The following TACC1 variants were observed in gnomAD, a reference collection of about 807,000 sequenced individuals.
TACC1 encodes the protein transforming acidic coiled-coil containing protein 1.
Under a neutral mutation model 84.4 loss-of-function variants are expected in TACC1, and 48 were observed. The observed-to-expected ratio is 0.57, with a 90% CI of 0.45 to 0.72. The LOEUF (loss-of-function observed/expected upper bound fraction) is 0.72, where lower values mean the gene tolerates loss of function less well. Among genes scored for constraint, TACC1 ranks in the 30% least tolerant of loss-of-function variants. The pLI is 0.00. For synonymous variants in TACC1, 372 were observed against 376.3 expected (o/e 0.99, Z 0.13); for missense variants, 920 against 973.0 (o/e 0.95, Z 0.72).
At chr8:38,833,773 G>A (rs189923704) in intron 6 of TACC1, among the ~76,000 whole-genome samples, 10 of 152,246 alleles carry the variant, frequency 6.6e-5, no homozygotes, top group Admixed American at 4.6e-4. Flanking sequence ...ATATTCTCAC[G>A]AACTTGGTAG....
Position 38,740,646 on chromosome 8 carries a change from C to T in TACC1, c.-674-1705C>T, listed in dbSNP as rs116568490. ...AAATCTTTGTCTGAAATGTCTCCTC[C>T]CTGTGGAATGTGCAAAAAGCAAAAC... On this transcript the variant is annotated intron_variant, in intron 1 of 14. Transcript: ENST00000518415. Among the ~76,000 whole-genome samples the T allele has an allele frequency of 4.1e-3, 617 of 152,332 alleles. 8 individuals are homozygous for T. Among genetic ancestry groups the T allele is most frequent in the African/African-American group, 0.014 (589 of 41,568 alleles).
intron 7 of TACC1, among the ~76,000 whole-genome samples, chr8:38,837,551 G>A (rs1198798846): frequency 6.6e-6 from 1 of 152,194 alleles, no homozygotes; most frequent in Non-Finnish European, 1.5e-5. Context: ...TCAGCTGCCT[G>A]AGTAGCTGGG....
intron 3 of TACC1, among the ~76,000 whole-genome samples, chr8:38,774,809 G>A (rs1012028664): frequency 2.6e-4 from 39 of 152,146 alleles, no homozygotes; most frequent in Middle Eastern, 3.4e-3. Flanking sequence ...TCAGGAGTTC[G>A]AGACCAGCCT....
intron 3 of TACC1, among the ~76,000 whole-genome samples, chr8:38,767,785 C>G (rs1812523777): frequency 6.6e-6 from 1 of 152,110 alleles, no homozygotes; most frequent in Admixed American, 6.6e-5. Flanking sequence ...AGATTAGGGG[C>G]CGGGCACAGT....
chr8:38,782,184 C>T (rs1321446074), intron 3 of TACC1, among the ~76,000 whole-genome samples: 2 of 151,940 alleles, frequency 1.3e-5, no homozygotes, highest in Non-Finnish European at 2.9e-5. Context: ...CCCCACCCCA[C>T]AACAGTCCCC....
intron 2 of TACC1, among the ~76,000 whole-genome samples, chr8:38,813,438 G>A (rs1026862177): frequency 7.9e-5 from 12 of 152,110 alleles, no homozygotes; most frequent in Admixed American, 2.6e-4. Flanking sequence ...AGATAGTCCC[G>A]GTGAGCTCTT....
exon 2 of TACC1, chr8:38,742,394 C>A: frequency 6.6e-7 from 1 of 1,510,914 alleles, no homozygotes; most frequent in Non-Finnish European, 8.8e-7. Flanking sequence ...GTCTTGATTG[C>A]TGGCATGTTT....
chr8:38,779,229 C>A (rs898477484), intron 3 of TACC1, among the ~76,000 whole-genome samples: 17 of 152,206 alleles, frequency 1.1e-4, no homozygotes, highest in Non-Finnish European at 2.1e-4. Flanking sequence ...CCTGCCTCAG[C>A]CTCCAAAAGT....
Position 38,788,751 on chromosome 8 carries a change from T to G in TACC1, c.209T>G (p.Ile70Ser). 6.2e-7 allele frequency: 1 copy of G among 1,614,048 alleles called. No individual in the cohort carries two copies. The highest frequency in any genetic ancestry group is 8.5e-7 in the Non-Finnish European group (1 of 1,179,986). Residue 70 changes from isoleucine (I) to serine (S), a missense_variant, in exon 2 of 13, where the codon ATC (isoleucine) becomes AGC (serine). This residue lies in a region of TACC1 where 762 missense variants were observed against 747.3 expected (regional missense o/e 1.02). Coordinates refer to ENST00000317827, the MANE Select transcript of TACC1 (RefSeq NM_006283.3). ...GAGACTCCTGAAGCTGAAACCCCGA[T>G]CCGATCACCTTTCAAGGAGTCCTGT... ...NFETPEAETP[I>S]RSPFKESCDP...
intron 3 of TACC1, chr8:38,823,897 C>T (rs914325350): frequency 2.2e-6 from 2 of 905,830 alleles, no homozygotes; most frequent in African/African-American, 3.4e-5. Context: ...GCTTTTACAT[C>T]TGCCAGACTA....
intron 2 of TACC1, among the ~76,000 whole-genome samples, chr8:38,792,672 A>G (rs180937869): frequency 0.041 from 6,208 of 152,202 alleles, 167 homozygotes; most frequent in Non-Finnish European, 0.06. Flanking sequence ...TCACCGTGTT[A>G]GCCAGGATGG....
upstream of TACC1, among the ~76,000 whole-genome samples, chr8:38,783,548 A>C (rs1010515861): frequency 3.3e-5 from 5 of 151,352 alleles, no homozygotes; most frequent in East Asian, 7.7e-4. Flanking sequence ...CAGCCTCCCG[A>C]GTAGCTGGAA....
rs777457078 is a variant in TACC1, at chr8:38,851,972, C to T, written c.*3949C>T. On this transcript the variant is annotated 3_prime_UTR_variant, in exon 13 of 13. Transcript: ENST00000317827. ...GATTCCAGTTATTTTTAAAAAGCAA[C>T]TTACCACTAAATCCTTGAGTCTCCA... 35 of 456,242 alleles carry T rather than the reference C, an allele frequency of 7.7e-5. No homozygotes were observed. The highest frequency in any genetic ancestry group is 1.5e-4 in the Non-Finnish European group (34 of 226,958). The allele number at this position is 456,242 out of a possible 1,614,324, so 28.3% of individuals were successfully genotyped here. A position where few individuals can be genotyped will look rare whatever the true frequency, so the allele number is the denominator to read the frequency against.
At position 38,768,760 on chromosome 8, in the gene TACC1, A is replaced by T. The variant is rs114344425; in HGVS notation, c.27-19944A>T. On this transcript the variant is annotated intron_variant, in intron 3 of 14. Coordinates refer to the TACC1 transcript ENST00000518415. ...ATATGTGAAACTGTGTGTGGGAGGT[A>T]TGTGTGTGACTGTGGGCTTATGTGA... Among the ~76,000 whole-genome samples, 1,216 of 151,242 alleles carry T rather than the reference A, an allele frequency of 8.0e-3. 24 individuals carry two copies. Among genetic ancestry groups the T allele is most frequent in the African/African-American group, 0.028 (1,147 of 41,126 alleles).
Position 38,852,071 on chromosome 8 carries a change from G to T in TACC1, c.*4048G>T. On this transcript the variant is annotated 3_prime_UTR_variant, in exon 13 of 13. Coordinates refer to ENST00000317827, the MANE Select transcript of TACC1 (RefSeq NM_006283.3). ...TCTCCTCTGGAAGAGACTATCAGCG[G>T]CAGCATTCTCCAGGGAAGACCCATC... 2.4e-6 allele frequency: 1 copy of T among 408,908 alleles called. No individual in the cohort carries two copies. Among genetic ancestry groups the T allele is most frequent in the Admixed American group, 2.7e-5 (1 of 37,238 alleles). The allele number at this position is 408,908 out of a possible 1,614,324, so 25.3% of individuals were successfully genotyped here. A position where few individuals can be genotyped will look rare whatever the true frequency, so the allele number is the denominator to read the frequency against.
At chr8:38,824,020 T>G (rs775067473) in intron 3 of TACC1, 8 of 1,352,022 alleles carry the variant, frequency 5.9e-6, no homozygotes, top group Non-Finnish European at 7.8e-6. Flanking sequence ...TTCTCTGTTT[T>G]CTGTTGTAAG....
intron 2 of TACC1, among the ~76,000 whole-genome samples, chr8:38,793,051 A>G (rs1819122588): frequency 2.0e-5 from 3 of 152,112 alleles, no homozygotes; most frequent in African/African-American, 7.2e-5. Context: ...ACCTTTATCT[A>G]CAGATTGTTA....
chr8:38,799,519 T>C (rs1416920126), intron 2 of TACC1: 1 of 152,174 alleles, frequency 6.6e-6, no homozygotes, highest in Non-Finnish European at 1.5e-5. Context: ...CAGCAAAAGA[T>C]AGGGAATTTG....
chr8:38,734,634 C>G (rs1352468602), intron 1 of TACC1, among the ~76,000 whole-genome samples: 1 of 152,256 alleles, frequency 6.6e-6, no homozygotes, highest in Non-Finnish European at 1.5e-5. Flanking sequence ...AAAGGACTCT[C>G]CTGGCCCTTG....
Sources: gnomAD v4.1 joint callset for allele counts (sites outside exome capture counted in the v4.1 genomes callset) on GRCh38, gnomAD v4.1.1 for gene constraint, gnomAD v4.1.1 regional missense constraint, MANE v1.5 for transcripts, NCBI Gene and HGNC (gene_info 2026-07-23, HGNC 2026-07-21) for gene names.